Variants in TRPV1 observed in about 807,000 individuals in gnomAD.
TRPV1 encodes OTRPC1.
TRPV1 carries 82 observed loss-of-function variants against 82.3 expected under a neutral mutation model. The observed-to-expected ratio is 1.00, with a 90% CI of 0.83 to 1.20. The LOEUF (loss-of-function observed/expected upper bound fraction) is 1.20. TRPV1 is among the 50% of genes most tolerant of loss of function. TRPV1 has a pLI of 0.00. For synonymous variants in TRPV1, 515 were observed against 467.7 expected, an observed-to-expected ratio of 1.10 and a Z score of -1.30; for missense variants, 1,067 against 1,096.8, an observed-to-expected ratio of 0.97 and a Z score of 0.38.
At chr17:3,588,142 G>C in intron 8 of TRPV1, 46 bp downstream of exon 8, 1 of 1,532,120 alleles carries the variant, frequency 6.5e-7, no homozygotes, top group Non-Finnish European at 8.8e-7. Context: ...TGGGGCTTGG[G>C]TGCAGAGGCC....
At chr17:3,576,668 A>AAAAAATATATATATATATAT in intron 13 of TRPV1, among the ~76,000 whole-genome samples, 1 of 38,426 alleles carries the variant, frequency 2.6e-5, no homozygotes, top group African/African-American at 7.3e-5. Context: ...AAAAAAAAAA[A>AAAAAATATATATATATATAT]ATATATATAT....
intron 7 of TRPV1, chr17:3,588,915 C>G (rs2075117789): frequency 1.3e-6 from 2 of 1,535,826 alleles, no homozygotes; most frequent in Non-Finnish European, 8.7e-7. Context: ...GGCGAGGCCC[C>G]AGCTCTACCA....
chr17:3,594,152 AGAAGCAGCAGCAGC>A (rs1158441030), intron 2 of TRPV1, among the ~76,000 whole-genome samples: 39 of 116,020 alleles, frequency 3.4e-4, no homozygotes, highest in African/African-American at 2.0e-3. Flanking sequence ...AAAAAAAAAA[AGAAGCAGCAGCAGC>A]AGCAGCAGCA....
At chr17:3,579,330 T>C (rs1317676691) in intron 11 of TRPV1, among the ~76,000 whole-genome samples, 2 of 152,104 alleles carry the variant, frequency 1.3e-5, no homozygotes, top group African/African-American at 4.8e-5. Context: ...AAATTATTCC[T>C]TGTTCTTCCA....
At chr17:3,588,458 C>A in intron 7 of TRPV1, 91 bp from the exon 8 acceptor site, 1 of 1,431,176 alleles carries the variant, frequency 7.0e-7, no homozygotes, top group South Asian at 1.3e-5. Flanking sequence ...CCCAGCCCAG[C>A]TGGTGGCCCC....
At chr17:3,606,957 C>A (rs985492107) in intron 2 of TRPV1, among the ~76,000 whole-genome samples, 7 of 152,190 alleles carry the variant, frequency 4.6e-5, no homozygotes, top group Admixed American at 4.6e-4. Flanking sequence ...TCCCAAAAGA[C>A]AAAGGACGCT....
chr17:3,567,958 C>T (rs1488803953), intron 16 of TRPV1, among the ~76,000 whole-genome samples: 1 of 152,082 alleles, frequency 6.6e-6, no homozygotes, highest in East Asian at 1.9e-4. Flanking sequence ...TAATACAAAT[C>T]AACTGCCAAG....
intron 2 of TRPV1, among the ~76,000 whole-genome samples, chr17:3,598,763 A>G (rs2075240676): frequency 1.3e-5 from 2 of 150,312 alleles, no homozygotes; most frequent in Non-Finnish European, 3.0e-5. Context: ...GCTGGGTTTC[A>G]CCATGTTGGT....
chr17:3,591,033 C>G lies in TRPV1; in HGVS notation c.535G>C (p.Glu179Gln). The G allele has an allele frequency of 6.2e-7, 1 of 1,612,640 alleles. No individual in the cohort carries two copies. The highest frequency in any genetic ancestry group is 1.3e-5 in the African/African-American group (1 of 75,046). ...GQNTTIPLLL[E>Q]IARQTDSLKE... ...AGGCTGTCCGTTTGCCGCGCGATCT[C>G]CAGGAGCAGGGGGATGGTGGTGTTC... The change falls in exon 5 of 17, where the codon GAG becomes CAG. Residue 179 changes from glutamate (E) to glutamine (Q), a missense_variant. Glu to Gln is a conservative substitution (Grantham distance 29). Transcript: ENST00000572705.
In TRPV1 at chr17:3,569,576, T is replaced by C. The variant is rs2074819618; in HGVS notation, c.2347+1948A>G. Among the ~76,000 whole-genome samples the C allele has an allele frequency of 3.3e-5, 5 of 152,198 alleles. No homozygotes were observed. The South Asian group carries it at 1.0e-3, about 32-fold the overall frequency. ...AGTCTAAGAAGAGCATGGAATTGCCTTTGAGTTAAAGAAGAAGAAATCAAA... is the reference window on the plus strand; with the variant it reads ...AGTCTAAGAAGAGCATGGAATTGCCCTTGAGTTAAAGAAGAAGAAATCAAA... On this transcript the variant is annotated intron_variant, in intron 16 of 16. Transcript: ENST00000572705.
chr17:3,571,566 C>A lies in TRPV1; in HGVS notation c.2305G>T (p.Gly769Cys), dbSNP rs200022103. Residue 769 changes from glycine to cysteine, a missense_variant, in exon 16 of 17, where the codon GGC (glycine) becomes TGC (cysteine). Coordinates refer to ENST00000572705, the MANE Select transcript of TRPV1 (RefSeq NM_080704.4). ...IINEDPGNCE[G>C]VKRTLSFSLR... ...GAGAAGCTCAGGGTGCGCTTGACGC[C>A]CTCACAGTTGCCCGGGTCTTCGTTG... The A allele has an allele frequency of 5.0e-5, 80 of 1,612,058 alleles. No individual in the cohort carries two copies. Among genetic ancestry groups the A allele is most frequent in the Non-Finnish European group, 6.4e-5 (75 of 1,179,240 alleles).
At chr17:3,582,143 T>C (rs149190296) in intron 10 of TRPV1, among the ~76,000 whole-genome samples, 29,491 of 139,092 alleles carry the variant, frequency 0.21, 3,377 homozygotes, top group South Asian at 0.26. Flanking sequence ...TGAGTGGAGA[T>C]TGTGCCACTG....
intron 13 of TRPV1, among the ~76,000 whole-genome samples, chr17:3,576,188 C>G (rs1158311138): frequency 2.6e-5 from 4 of 152,066 alleles, no homozygotes; most frequent in African/African-American, 9.7e-5. Context: ...CGCCACTGCA[C>G]TCCAGCCTGG....
chr17:3,596,170 T>C (rs2075218073), intron 2 of TRPV1, among the ~76,000 whole-genome samples: 1 of 152,190 alleles, frequency 6.6e-6, no homozygotes, highest in South Asian at 2.1e-4. Flanking sequence ...TGGTATGATC[T>C]GAGTCTTTCT....
At chr17:3,607,711 A>G (rs1485532411) in intron 2 of TRPV1, among the ~76,000 whole-genome samples, 2 of 151,524 alleles carry the variant, frequency 1.3e-5, no homozygotes, top group Non-Finnish European at 2.9e-5. Context: ...TAACTTTTGT[A>G]TTTCTAGTAG....
chr17:3,571,459 G>C (rs1005565427), intron 16 of TRPV1, 65 bp downstream of exon 16: 2 of 1,336,518 alleles, frequency 1.5e-6, no homozygotes, highest in East Asian at 2.5e-5. Context: ...AACCTGCAAA[G>C]CTCCCCCTGC....
intron 16 of TRPV1, among the ~76,000 whole-genome samples, 175 bp downstream of exon 16, chr17:3,571,349 G>T (rs2150824953): frequency 6.6e-6 from 1 of 152,300 alleles, no homozygotes; most frequent in South Asian, 2.1e-4. Flanking sequence ...GCATGAGTGA[G>T]GTGCTCAAGT....
chr17:3,574,093 T>C (rs1298770727), intron 13 of TRPV1, 138 bp from the exon 14 acceptor site: 1 of 735,720 alleles, frequency 1.4e-6, no homozygotes, highest in Non-Finnish European at 2.2e-6. Context: ...TTTAAAACTA[T>C]CAAAAAAATT....
At position 3,569,985 on chromosome 17, in the gene TRPV1, C is replaced by CAGGGAGGAGGGGCCAAGT. The variant is rs1567656459; in HGVS notation, c.2347+1538_2347+1539insACTTGGCCCCTCCTCCCT. Reference sequence around the variant, plus strand: ...AAGGGGTCAGGGAGGAGGGGCCAAGCGGTCAGGGAGGAGGGGCCAAGCGGT... The same window carrying CAGGGAGGAGGGGCCAAGT: ...AAGGGGTCAGGGAGGAGGGGCCAAGCAGGGAGGAGGGGCCAAGTGGTCAGGGAGGAGGGGCCAAGCGGT... On this transcript the variant is annotated intron_variant, in intron 16 of 16. Transcript: ENST00000572705. 2.6e-3 allele frequency among the ~76,000 whole-genome samples: 163 copies of CAGGGAGGAGGGGCCAAGT among 62,934 alleles called. 2 individuals carry two copies. The highest frequency in any genetic ancestry group is 0.012 in the East Asian group (17 of 1,436). The allele number at this position is 62,934 out of a possible 152,430, so 41.3% of individuals were successfully genotyped here.
Sources: allele counts gnomAD v4.1 joint callset (sites outside exome capture counted in the v4.1 genomes callset), GRCh38; gene constraint gnomAD v4.1.1; transcripts MANE v1.5; gene names NCBI Gene and HGNC (gene_info 2026-07-23, HGNC 2026-07-21).